BMPR1A: variants seen among roughly 807,000 people sequenced by gnomAD.
The protein encoded by BMPR1A is bone morphogenetic protein receptor type 1A.
BMPR1A carries 7 observed loss-of-function variants against 66.0 expected under a neutral mutation model. The observed-to-expected ratio is 0.11, with a 90% CI of 0.06 to 0.20. The LOEUF (loss-of-function observed/expected upper bound fraction) is 0.20. Ranked by LOEUF, BMPR1A falls within the 10% of genes least tolerant of loss-of-function variation. The pLI is 1.00. For missense variants in BMPR1A, 408 were observed against 669.1 expected, an observed-to-expected ratio of 0.61 and a Z score of 4.31; for synonymous variants, 200 against 229.7, an observed-to-expected ratio of 0.87 and a Z score of 1.17.
At chr10:86,801,196 G>T (rs1275418388) in intron 1 of BMPR1A, among the ~76,000 whole-genome samples, 1 of 152,198 alleles carries the variant, frequency 6.6e-6, no homozygotes, top group African/African-American at 2.4e-5. Context: ...CTGGAGTGCA[G>T]TGGTGCTATC....
At chr10:86,875,478 T>A (rs2133317866) in intron 2 of BMPR1A, among the ~76,000 whole-genome samples, 1 of 152,342 alleles carries the variant, frequency 6.6e-6, no homozygotes, top group Middle Eastern at 3.4e-3. Flanking sequence ...GTGTTTTCAT[T>A]ATATCTACTA....
chr10:86,774,376 T>C (rs1253716924), intron 1 of BMPR1A, among the ~76,000 whole-genome samples: 1 of 152,130 alleles, frequency 6.6e-6, no homozygotes, highest in South Asian at 2.1e-4. Flanking sequence ...AGGATTGTCT[T>C]GGACCATGGG....
intron 3 of BMPR1A, among the ~76,000 whole-genome samples, chr10:86,879,020 T>C (rs1435251839): frequency 6.6e-6 from 1 of 152,184 alleles, no homozygotes; most frequent in Non-Finnish European, 1.5e-5. Context: ...GGCTAGGTGA[T>C]TTTTATTTTT....
chr10:86,786,391 TCC>T (rs1402528038), intron 1 of BMPR1A, among the ~76,000 whole-genome samples: 2 of 152,032 alleles, frequency 1.3e-5, no homozygotes, highest in Admixed American at 6.6e-5. Flanking sequence ...AGGCTTTCCC[TCC>T]CAGCACCCTG....
At chr10:86,917,039 T>TAAA in intron 8 of BMPR1A, 95 bp from the exon 9 acceptor site, 1 of 1,362,130 alleles carries the variant, frequency 7.3e-7, no homozygotes, top group Non-Finnish European at 1.0e-6. Flanking sequence ...GTTGGTTGGG[T>TAAA]ACACCATGCT....
intron 1 of BMPR1A, among the ~76,000 whole-genome samples, chr10:86,810,464 C>T (rs1370952033): frequency 6.6e-6 from 1 of 152,172 alleles, no homozygotes; most frequent in African/African-American, 2.4e-5. Context: ...ACAGAATCAA[C>T]TCTGTGCTTA....
intron 2 of BMPR1A, among the ~76,000 whole-genome samples, chr10:86,848,210 C>T (rs1410542349): frequency 1.3e-5 from 2 of 152,110 alleles, no homozygotes; most frequent in African/African-American, 2.4e-5. Context: ...GGATTACAGG[C>T]GTGAGCCACC....
chr10:86,813,839 TC>T (rs1174712403), intron 1 of BMPR1A, among the ~76,000 whole-genome samples: 3 of 152,228 alleles, frequency 2.0e-5, no homozygotes, highest in Non-Finnish European at 4.4e-5. Flanking sequence ...AAACTCATTT[TC>T]TAGTAGATAT....
chr10:86,902,227 A>G (rs1366311739), intron 7 of BMPR1A, among the ~76,000 whole-genome samples: 1 of 152,050 alleles, frequency 6.6e-6, no homozygotes, highest in Non-Finnish European at 1.5e-5. Context: ...AACCATCTAT[A>G]TTTTTATTTA....
chr10:86,774,902 G>T (rs1265500065), intron 1 of BMPR1A, among the ~76,000 whole-genome samples: 3 of 152,170 alleles, frequency 2.0e-5, no homozygotes, highest in Non-Finnish European at 2.9e-5. Flanking sequence ...TTTAAGAAAA[G>T]AAAGAACCTT....
intron 2 of BMPR1A, among the ~76,000 whole-genome samples, chr10:86,853,287 T>C (rs1418359587): frequency 1.3e-5 from 2 of 151,204 alleles, no homozygotes; most frequent in East Asian, 3.8e-4. Context: ...CCAGATGATC[T>C]TTTTTTCTAA....
chr10:86,807,454 C>T (rs1841903953), intron 1 of BMPR1A, among the ~76,000 whole-genome samples: 2 of 152,146 alleles, frequency 1.3e-5, no homozygotes, highest in South Asian at 2.1e-4. Context: ...GATCATAGCT[C>T]ATTGTAGCCT....
chr10:86,768,030 C>T (rs755253944), intron 1 of BMPR1A, among the ~76,000 whole-genome samples: 31 of 152,204 alleles, frequency 2.0e-4, no homozygotes, highest in Admixed American at 3.9e-4. Context: ...GCCCCAAATT[C>T]GGACAGCCCC....
intron 1 of BMPR1A, among the ~76,000 whole-genome samples, chr10:86,826,694 TG>T (rs1325088434): frequency 9.9e-5 from 15 of 152,158 alleles, no homozygotes; most frequent in East Asian, 3.9e-4. Context: ...TTTTTTTACA[TG>T]TTTTTTTTCC....
intron 2 of BMPR1A, among the ~76,000 whole-genome samples, chr10:86,841,330 G>A (rs1842421667): frequency 6.6e-6 from 1 of 152,130 alleles, no homozygotes; most frequent in African/African-American, 2.4e-5. Context: ...TCCACACTGT[G>A]TACATAGATG....
chr10:86,803,426 A>T (rs1326559060), intron 1 of BMPR1A, among the ~76,000 whole-genome samples: 2 of 152,022 alleles, frequency 1.3e-5, no homozygotes, highest in Non-Finnish European at 2.9e-5. Context: ...TATGGTTTTT[A>T]CTTTTGATGT....
chr10:86,760,190 T>G lies in BMPR1A; in HGVS notation c.-268+3271T>G, dbSNP rs11596979. Reference sequence around the variant, plus strand: ...TGGTATTTGCCTCAGATTTACCTGTTTTTTTTTTTTTTTTTTTTTAATACC... The same window carrying G: ...TGGTATTTGCCTCAGATTTACCTGTGTTTTTTTTTTTTTTTTTTTAATACC... On this transcript the variant is annotated intron_variant, in intron 1 of 12. Coordinates refer to ENST00000372037, the MANE Select transcript of BMPR1A (RefSeq NM_004329.3). 6.0e-3 allele frequency among the ~76,000 whole-genome samples: 293 copies of G among 49,204 alleles called. 4 individuals carry two copies. In the Middle Eastern group the frequency reaches 0.095, roughly 16 times the overall value. 32.3% of individuals were successfully genotyped at this position (49,204 alleles called of 152,430 possible). A position where few individuals can be genotyped will look rare whatever the true frequency, so the allele number is the denominator to read the frequency against.
At chr10:86,804,753 A>C (rs1487945208) in intron 1 of BMPR1A, among the ~76,000 whole-genome samples, 2 of 150,020 alleles carry the variant, frequency 1.3e-5, no homozygotes, top group Non-Finnish European at 3.0e-5. Context: ...TCATGTCTAT[A>C]AAAAGTTTTG....
intron 1 of BMPR1A, among the ~76,000 whole-genome samples, chr10:86,810,439 T>C (rs1284572797): frequency 1.3e-5 from 2 of 152,240 alleles, no homozygotes; most frequent in African/African-American, 2.4e-5. Context: ...CTCTTCGGTA[T>C]ATAGGAAAAG....
Sources: gnomAD v4.1 joint callset for allele counts (sites outside exome capture counted in the v4.1 genomes callset) on GRCh38, gnomAD v4.1.1 for gene constraint, MANE v1.5 for transcripts, NCBI Gene and HGNC (gene_info 2026-07-23, HGNC 2026-07-21) for gene names.